Variants in CALN1 observed in about 807,000 individuals in gnomAD.
CALN1 encodes the protein calcium-binding protein 8.
A neutral mutation model predicts 30.6 loss-of-function variants in CALN1; 17 were observed. The ratio of observed to expected loss-of-function variants is 0.56; its 90% CI spans 0.38 to 0.83. CALN1 has a LOEUF of 0.83. CALN1 is among the 40% of genes least tolerant of loss of function. The pLI is 0.00. For missense variants in CALN1, 291 were observed against 354.9 expected (o/e 0.82, Z 1.45); for synonymous variants, 156 against 131.4 (o/e 1.19, Z -1.28).
At chr7:72,059,876 T>C (rs192257168) in intron 4 of CALN1, among the ~76,000 whole-genome samples, 133 of 152,308 alleles carry the variant, frequency 8.7e-4, no homozygotes, top group Non-Finnish European at 1.3e-3. Context: ...TTCTTTCCAC[T>C]GCTGGCAGCT....
At chr7:72,407,526 C>T (rs1030419791) in intron 1 of CALN1, among the ~76,000 whole-genome samples, 1 of 152,130 alleles carries the variant, frequency 6.6e-6, no homozygotes, top group African/African-American at 2.4e-5. Flanking sequence ...TTGCTGCTTC[C>T]CTCCTCTCTT....
intron 5 of CALN1, among the ~76,000 whole-genome samples, chr7:71,881,955 C>T (rs1027708912): frequency 6.6e-6 from 1 of 151,818 alleles, no homozygotes; most frequent in Admixed American, 6.6e-5. Flanking sequence ...TGCCTGTAGT[C>T]CCAGCTACTT....
At chr7:72,320,876 A>G (rs1362837767) in intron 2 of CALN1, among the ~76,000 whole-genome samples, 6 of 151,432 alleles carry the variant, frequency 4.0e-5, no homozygotes, top group African/African-American at 1.5e-4. Flanking sequence ...GAGGCAGCCT[A>G]ACCTAGCAGG....
At chr7:72,388,647 C>A (rs1046902379) in intron 2 of CALN1, among the ~76,000 whole-genome samples, 2 of 152,126 alleles carry the variant, frequency 1.3e-5, no homozygotes, top group Non-Finnish European at 2.9e-5. Context: ...AAAATTTATT[C>A]TCATATTGTC....
intron 3 of CALN1, among the ~76,000 whole-genome samples, chr7:72,260,847 G>A (rs1383819384): frequency 6.6e-6 from 1 of 152,062 alleles, no homozygotes; most frequent in Non-Finnish European, 1.5e-5. Context: ...ATTGCACAGG[G>A]GTACCAGACC....
chr7:72,354,401 GCAT>G (rs1304035773), intron 2 of CALN1, among the ~76,000 whole-genome samples: 3 of 152,122 alleles, frequency 2.0e-5, no homozygotes, highest in Non-Finnish European at 4.4e-5. Flanking sequence ...TACAGGTTCA[GCAT>G]CATCAATATC....
chr7:72,222,725 A>T (rs1414583390), intron 3 of CALN1, among the ~76,000 whole-genome samples: 1 of 152,144 alleles, frequency 6.6e-6, no homozygotes, highest in Non-Finnish European at 1.5e-5. Context: ...CACAAGCTAA[A>T]AAGAAAGGGA....
chr7:71,963,986 T>C (rs1442228831), intron 5 of CALN1, among the ~76,000 whole-genome samples: 1 of 152,240 alleles, frequency 6.6e-6, no homozygotes, highest in African/African-American at 2.4e-5. Flanking sequence ...TTGTTTTCAA[T>C]GTCCGTGTAT....
At chr7:71,941,371 C>A (rs1022817032) in intron 5 of CALN1, among the ~76,000 whole-genome samples, 2 of 150,124 alleles carry the variant, frequency 1.3e-5, no homozygotes, top group Non-Finnish European at 3.0e-5. Flanking sequence ...AAAAGAATTT[C>A]TGTTCAATAA....
intron 3 of CALN1, among the ~76,000 whole-genome samples, chr7:72,226,303 C>T (rs1793675307): frequency 6.6e-6 from 1 of 151,766 alleles, no homozygotes; most frequent in Admixed American, 6.6e-5. Flanking sequence ...TTCATGCCAC[C>T]GAGATGCTTC....
chr7:72,363,145 A>C (rs899439220), intron 2 of CALN1, among the ~76,000 whole-genome samples: 6 of 152,182 alleles, frequency 3.9e-5, no homozygotes, highest in African/African-American at 1.4e-4. Flanking sequence ...TAAAAATATT[A>C]GTTATTTTTG....
chr7:72,221,200 G>A (rs1393564968), intron 3 of CALN1, among the ~76,000 whole-genome samples: 1 of 152,022 alleles, frequency 6.6e-6, no homozygotes, highest in Non-Finnish European at 1.5e-5. Context: ...CGGTTAGTAG[G>A]AGTGGAAACA....
chr7:72,235,022 A>T (rs1354129436), intron 3 of CALN1, among the ~76,000 whole-genome samples: 1 of 152,158 alleles, frequency 6.6e-6, no homozygotes, highest in Non-Finnish European at 1.5e-5. Context: ...TAATCCTACC[A>T]CTTTGGGAGG....
At chr7:72,435,412 C>T (rs1437404411) in intron 1 of CALN1, among the ~76,000 whole-genome samples, 4 of 152,194 alleles carry the variant, frequency 2.6e-5, no homozygotes, top group Non-Finnish European at 4.4e-5. Flanking sequence ...AGACTAGAGA[C>T]GGTGAGTAAC....
At chr7:72,420,320 A>G (rs1319333997) in intron 1 of CALN1, among the ~76,000 whole-genome samples, 1 of 152,128 alleles carries the variant, frequency 6.6e-6, no homozygotes, top group East Asian at 1.9e-4. Context: ...AGCATGAAAT[A>G]ACTACATGAC....
intron 3 of CALN1, among the ~76,000 whole-genome samples, chr7:72,230,247 A>G (rs1793993132): frequency 6.6e-6 from 1 of 151,890 alleles, no homozygotes; most frequent in Admixed American, 6.6e-5. Flanking sequence ...CACGTTCTGC[A>G]CATGTATCCC....
chr7:72,179,263 G>C (rs931973021), intron 3 of CALN1, among the ~76,000 whole-genome samples: 2 of 152,152 alleles, frequency 1.3e-5, no homozygotes, highest in Non-Finnish European at 2.9e-5. Flanking sequence ...AAGTTTCACG[G>C]GTAATTAACA....
chr7:72,154,332 A>C (rs578106769), intron 3 of CALN1, among the ~76,000 whole-genome samples: 4 of 152,162 alleles, frequency 2.6e-5, no homozygotes, highest in African/African-American at 9.6e-5. Flanking sequence ...TTAACTCTCA[A>C]AGCTCGCCAT....
intron 5 of CALN1, among the ~76,000 whole-genome samples, chr7:72,020,299 A>G (rs1412888835): frequency 6.6e-6 from 1 of 151,998 alleles, no homozygotes; most frequent in African/African-American, 2.4e-5. Context: ...TTTGTATATT[A>G]TCTTCAATCA....
Sources: allele counts gnomAD v4.1 joint callset (sites outside exome capture counted in the v4.1 genomes callset), GRCh38; gene constraint gnomAD v4.1.1; transcripts MANE v1.5; gene names NCBI Gene and HGNC (gene_info 2026-07-23, HGNC 2026-07-21).